The following PDE4DIP variants were observed in gnomAD, a reference collection of about 807,000 sequenced individuals.
The protein encoded by PDE4DIP is phosphodiesterase 4D interacting protein, also known as myomegalin.
PDE4DIP carries 59 observed loss-of-function variants against 221.4 expected under a neutral mutation model. The ratio of observed to expected loss-of-function variants is 0.27; its 90% CI spans 0.22 to 0.33. The LOEUF (loss-of-function observed/expected upper bound fraction) is 0.33, where lower values mean the gene tolerates loss of function less well. Among genes scored for constraint, PDE4DIP ranks in the 10% least tolerant of loss-of-function variants. The pLI, the probability that PDE4DIP is intolerant of heterozygous loss-of-function variation, is 1.00. For synonymous variants in PDE4DIP, 404 were observed against 815.9 expected (o/e 0.50, Z 8.60); for missense variants, 1,036 against 2,154.2 (o/e 0.48, Z 10.28).
At chr1:148,821,153 A>G (rs112050291) in intron 1 of PDE4DIP, among the ~76,000 whole-genome samples, 4 of 148,618 alleles carry the variant, frequency 2.7e-5, no homozygotes, top group African/African-American at 5.1e-5. Flanking sequence ...GTGGAACAAC[A>G]TAAGAGTAGC....
chr1:148,934,334 A>G (rs1335668628), intron 4 of PDE4DIP, among the ~76,000 whole-genome samples: 1 of 152,008 alleles, frequency 6.6e-6, no homozygotes, highest in Non-Finnish European at 1.5e-5. Context: ...AAACTGAACT[A>G]AAAACCAAAA....
In PDE4DIP at chr1:148,823,498, A is replaced by G. The variant is rs1436193888; in HGVS notation, c.233+14761A>G. 7.3e-5 allele frequency among the ~76,000 whole-genome samples: 11 copies of G among 150,204 alleles called. 2 individuals carry two copies. Among genetic ancestry groups the G allele is most frequent in the Non-Finnish European group, 7.4e-5 (5 of 67,548 alleles). On this transcript the variant is annotated intron_variant, in intron 1 of 45. Transcript: ENST00000524974. Reference sequence around the variant, plus strand: ...GCACACGCATTTACAGAATGGGGGGATTTTGTCCACTGTACGCATGCTCAT... The same window carrying G: ...GCACACGCATTTACAGAATGGGGGGGTTTTGTCCACTGTACGCATGCTCAT...
intron 30 of PDE4DIP, 27 bp from the exon 34 acceptor site, chr1:149,010,416 G>A (rs782182952): frequency 1.2e-5 from 20 of 1,610,136 alleles, no homozygotes; most frequent in African/African-American, 1.1e-4. Context: ...AACATCATAC[G>A]TTTTCTTTCA....
chr1:149,023,622 GTACA>G (rs2073896585), intron 37 of PDE4DIP, among the ~76,000 whole-genome samples: 1 of 143,748 alleles, frequency 7.0e-6, no homozygotes, highest in Non-Finnish European at 1.5e-5. Flanking sequence ...ACATATATAT[GTACA>G]TGTATATGTG....
chr1:149,032,419 C>A, exon 44 of PDE4DIP: 1 of 447,012 alleles, frequency 2.2e-6, no homozygotes. Context: ...TGGAGCTCCT[C>A]TGGCAGGTTC....
intron 37 of PDE4DIP, chr1:149,021,536 C>T (rs1553619383): frequency 1.9e-5 from 3 of 158,172 alleles, no homozygotes; most frequent in African/African-American, 7.2e-5. Context: ...CGCTCCCACC[C>T]TGACCCTTTC....
rs2062721956 is a variant in PDE4DIP at position 148,990,082 on chromosome 1, T to C, written c.2816-1803T>C. 6 of 281,386 alleles carry C rather than the reference T, an allele frequency of 2.1e-5. 1 individual carries two copies. In the South Asian group the frequency reaches 8.1e-4, roughly 38 times the overall value. The allele number at this position is 281,386 out of a possible 1,614,324, so 17.4% of individuals were successfully genotyped here. A position where few individuals can be genotyped will look rare whatever the true frequency, so the allele number is the denominator to read the frequency against. ...TGATCCAAAGTTAACATAAAGTTCA[T>C]GGTGTAGATGAGGAAACCTAAGCTG... is the stretch of plus-strand genomic sequence containing the variant. On this transcript the variant is annotated intron_variant, in intron 21 of 43. Transcript: ENST00000369354.
intron 1 of PDE4DIP, among the ~76,000 whole-genome samples, chr1:148,892,745 T>C (rs1699074209): frequency 8.8e-6 from 1 of 113,788 alleles, no homozygotes; most frequent in Admixed American, 9.2e-5. Context: ...TGAAAAGCGC[T>C]AAAGGCTTGT....
intron 43 of PDE4DIP, chr1:149,030,499 T>C (rs1288920759): frequency 2.1e-6 from 2 of 967,020 alleles, no homozygotes; most frequent in African/African-American, 3.5e-5. Flanking sequence ...TGGTTCACTC[T>C]CACATTGTCA....
At chr1:148,983,764 G>A (rs1166185641) in intron 21 of PDE4DIP, 3 of 152,304 alleles carry the variant, frequency 2.0e-5, no homozygotes, top group Non-Finnish European at 4.4e-5. Flanking sequence ...ATAAAGCATC[G>A]TGTGCTTATA....
chr1:149,012,635 G>C (rs140487163), exon 32 of PDE4DIP: 1 of 1,609,790 alleles, frequency 6.2e-7, no homozygotes, highest in African/African-American at 1.3e-5. Flanking sequence ...CCTTCCTCAG[G>C]CACCATTGCC....
At chr1:148,987,964 G>A (rs2062207772) in intron 21 of PDE4DIP, among the ~76,000 whole-genome samples, 1 of 152,132 alleles carries the variant, frequency 6.6e-6, no homozygotes, top group Non-Finnish European at 1.5e-5. Flanking sequence ...TGTGCATGTT[G>A]GAGTTTTAAG....
chr1:148,952,082 C>G, intron 5 of PDE4DIP: 1 of 1,016,254 alleles, frequency 9.8e-7, no homozygotes, highest in South Asian at 4.6e-5. Context: ...TCGTCTTTCT[C>G]CTCCCCGCGA....
chr1:148,829,042 A>T (rs1553367397), intron 1 of PDE4DIP, among the ~76,000 whole-genome samples: 1 of 150,112 alleles, frequency 6.7e-6, no homozygotes, highest in South Asian at 2.1e-4. Context: ...ACACACACAC[A>T]CACACTCACA....
intron 38 of PDE4DIP, chr1:149,025,753 T>C (rs1178106458): frequency 6.8e-6 from 1 of 147,100 alleles, no homozygotes; most frequent in Non-Finnish European, 1.5e-5. Context: ...TGGGTCATGT[T>C]AATCTTTGTT....
At chr1:149,031,497 C>G (rs1553637680) in intron 43 of PDE4DIP, among the ~76,000 whole-genome samples, 2 of 151,982 alleles carry the variant, frequency 1.3e-5, no homozygotes, top group South Asian at 4.2e-4. Context: ...CCCTCCACAC[C>G]CTCATTATGG....
intron 1 of PDE4DIP, among the ~76,000 whole-genome samples, chr1:148,859,738 A>T (rs1391825570): frequency 2.2e-5 from 3 of 136,688 alleles, no homozygotes; most frequent in African/African-American, 8.7e-5. Context: ...AGGATATAAA[A>T]TTTTTTTCTG....
At chr1:148,975,838 T>A (rs1317633868) in intron 17 of PDE4DIP, among the ~76,000 whole-genome samples, 8 of 152,128 alleles carry the variant, frequency 5.3e-5, no homozygotes, top group East Asian at 3.9e-4. Context: ...TAGCTCTTAG[T>A]TTTTTTCTAC....
intron 1 of PDE4DIP, among the ~76,000 whole-genome samples, chr1:148,838,586 G>A (rs1353234490): frequency 2.0e-5 from 2 of 98,540 alleles, no homozygotes; most frequent in Non-Finnish European, 4.6e-5. Context: ...TCTGAACCCA[G>A]CAAGTCCTGC....
Sources: allele counts gnomAD v4.1 joint callset (sites outside exome capture counted in the v4.1 genomes callset), GRCh38; gene constraint gnomAD v4.1.1; transcripts MANE v1.5; gene names NCBI Gene and HGNC (gene_info 2026-07-23, HGNC 2026-07-21).